Variants in NEK10 observed in about 807,000 individuals in gnomAD.
NEK10 encodes the protein NIMA related kinase 10.
A neutral mutation model predicts 159.8 loss-of-function variants in NEK10; 122 were observed. The ratio of observed to expected loss-of-function variants is 0.76; its 90% CI spans 0.66 to 0.89. The LOEUF (loss-of-function observed/expected upper bound fraction) is 0.89. Among genes scored for constraint, NEK10 ranks in the 40% least tolerant of loss-of-function variants. The pLI is 0.00. For missense variants in NEK10, 1,342 were observed against 1,323.1 expected (o/e 1.01, Z -0.22); for synonymous variants, 466 against 457.1 (o/e 1.02, Z -0.25).
intron 1 of NEK10, among the ~76,000 whole-genome samples, chr3:27,359,342 T>C (rs2048529075): frequency 6.6e-6 from 1 of 152,180 alleles, no homozygotes; most frequent in Non-Finnish European, 1.5e-5. Flanking sequence ...CAATGAACCC[T>C]ACCACAAAAG....
At chr3:27,207,190 A>C (rs1471009989) in intron 23 of NEK10, among the ~76,000 whole-genome samples, 3 of 152,212 alleles carry the variant, frequency 2.0e-5, no homozygotes, top group Admixed American at 1.3e-4. Context: ...CCACATTAGC[A>C]GTTAAATTTA....
rs769534323 is a variant in NEK10 at position 27,314,282 on chromosome 3, C to G, written c.489+15G>C. On this transcript the variant is annotated intron_variant, in intron 7 of 35. Coordinates refer to ENST00000691995, the MANE Select transcript of NEK10 (RefSeq NM_001394966.1). ...AATGAAAAGGCAAGACCAGCCACCA[C>G]AAAAGGAATCTTACCTGAGCTAGGT... 8 of 1,590,668 alleles carry G rather than the reference C, an allele frequency of 5.0e-6. No homozygotes were observed. Among genetic ancestry groups the G allele is most frequent in the Non-Finnish European group, 6.0e-6 (7 of 1,163,948 alleles).
At chr3:27,321,610 G>T (rs1341624750) in intron 6 of NEK10, among the ~76,000 whole-genome samples, 3 of 152,184 alleles carry the variant, frequency 2.0e-5, no homozygotes, top group African/African-American at 7.2e-5. Flanking sequence ...GAGGTGGAGA[G>T]TGCTAGGATT....
intron 23 of NEK10, among the ~76,000 whole-genome samples, chr3:27,236,612 A>G (rs1953943419): frequency 6.6e-6 from 1 of 152,150 alleles, no homozygotes; most frequent in Non-Finnish European, 1.5e-5. Context: ...CATATCGGTA[A>G]GTCCGTGATG....
Position 27,310,893 on chromosome 3 carries a change from A to G in NEK10, c.636+56T>C, listed in dbSNP as rs113195591. 3.2e-5 allele frequency: 35 copies of G among 1,084,684 alleles called. No individual in the cohort carries two copies. The African/African-American group carries it at 3.7e-4, about 12-fold the overall frequency. 67.2% of individuals were successfully genotyped at this position (1,084,684 alleles called of 1,614,324 possible). A position where few individuals can be genotyped will look rare whatever the true frequency, so the allele number is the denominator to read the frequency against. On this transcript the variant is annotated intron_variant, in intron 9 of 35. Coordinates refer to ENST00000691995, the MANE Select transcript of NEK10 (RefSeq NM_001394966.1). ...AACCGCAAAGGCTCTGAACTTCCCT[A>G]ATGTGAACTATTGCCATAGGGAGCT... is the stretch of plus-strand genomic sequence containing the variant.
At chr3:27,201,878 G>A (rs1011479634) in intron 24 of NEK10, among the ~76,000 whole-genome samples, 1 of 152,142 alleles carries the variant, frequency 6.6e-6, no homozygotes, top group African/African-American at 2.4e-5. Flanking sequence ...TAAAAGACCA[G>A]CTGGGCGCAG....
In NEK10 at chr3:27,193,600, ATTTTTTTTTTTTTT is replaced by A. The variant is rs141331589; in HGVS notation, c.2292-1372_2292-1359del. Among the ~76,000 whole-genome samples the A allele has an allele frequency of 2.7e-3, 147 of 55,088 alleles. 2 individuals carry two copies. The highest frequency in any genetic ancestry group is 0.011 in the African/African-American group (137 of 12,178). 36.1% of individuals were successfully genotyped at this position (55,088 alleles called of 152,430 possible). ...TTGCTTATTTTATTCCATATGCTTG[ATTTTTTTTTTTTTT>A]TTTTTTTTTTTTGCCCATGGTATCT... On this transcript the variant is annotated intron_variant, in intron 25 of 35. Transcript: ENST00000691995.
At chr3:27,217,859 G>T (rs1489917333) in intron 23 of NEK10, among the ~76,000 whole-genome samples, 1 of 152,040 alleles carries the variant, frequency 6.6e-6, no homozygotes, top group Non-Finnish European at 1.5e-5. Flanking sequence ...ACCAAAGATA[G>T]TACCAAACCC....
chr3:27,194,519 A>C (rs1444636012), intron 25 of NEK10: 1 of 152,238 alleles, frequency 6.6e-6, no homozygotes, highest in African/African-American at 2.4e-5. Flanking sequence ...GTCCTAAAAA[A>C]ATTGAGGATA....
intron 22 of NEK10, among the ~76,000 whole-genome samples, chr3:27,268,441 G>A (rs758094130): frequency 1.4e-4 from 22 of 152,298 alleles, no homozygotes; most frequent in African/African-American, 5.3e-4. Flanking sequence ...AATGCAGCTG[G>A]TAATTAAGTT....
chr3:27,329,335 T>C (rs1035055808), intron 5 of NEK10, among the ~76,000 whole-genome samples: 12 of 152,194 alleles, frequency 7.9e-5, no homozygotes, highest in Admixed American at 5.9e-4. Context: ...AACAGACTAA[T>C]ACAGAGAGTG....
intron 22 of NEK10, among the ~76,000 whole-genome samples, chr3:27,264,874 A>C (rs1235214399): frequency 6.6e-6 from 1 of 150,832 alleles, no homozygotes; most frequent in Non-Finnish European, 1.5e-5. Context: ...AGCCTGGGCA[A>C]CATGAGCGAA....
At chr3:27,133,066 C>A (rs1238397965) in intron 31 of NEK10, among the ~76,000 whole-genome samples, 1 of 152,164 alleles carries the variant, frequency 6.6e-6, no homozygotes, top group Non-Finnish European at 1.5e-5. Context: ...GAGGATAAGA[C>A]AATTCAAAGT....
At chr3:27,302,609 T>C (rs1379159414) in intron 12 of NEK10, among the ~76,000 whole-genome samples, 1 of 152,254 alleles carries the variant, frequency 6.6e-6, no homozygotes. Context: ...ATAATAGTTC[T>C]TCATCTGTCT....
intron 16 of NEK10, among the ~76,000 whole-genome samples, chr3:27,292,896 G>A (rs941049396): frequency 6.6e-6 from 1 of 152,024 alleles, no homozygotes; most frequent in Admixed American, 6.6e-5. Context: ...AGGCCGAAAA[G>A]TGACGCTCCA....
intron 23 of NEK10, among the ~76,000 whole-genome samples, chr3:27,246,016 A>C (rs1276053513): frequency 6.6e-6 from 1 of 152,172 alleles, no homozygotes; most frequent in Admixed American, 6.5e-5. Context: ...AGTAAAGACT[A>C]TAAAAGGGCA....
intron 23 of NEK10, among the ~76,000 whole-genome samples, chr3:27,235,323 AAGAC>A (rs1205380128): frequency 2.0e-5 from 3 of 152,018 alleles, no homozygotes; most frequent in Non-Finnish European, 4.4e-5. Context: ...ACACAGCAAA[AAGAC>A]AGCCTACAGA....
intron 22 of NEK10, among the ~76,000 whole-genome samples, chr3:27,263,681 G>T (rs954381307): frequency 3.3e-5 from 5 of 152,178 alleles, no homozygotes; most frequent in Middle Eastern, 3.2e-3. Flanking sequence ...CAGTATTAGG[G>T]TGGGAGTGAC....
intron 12 of NEK10, among the ~76,000 whole-genome samples, chr3:27,302,422 T>C (rs2043900112): frequency 6.6e-6 from 1 of 152,190 alleles, no homozygotes; most frequent in Non-Finnish European, 1.5e-5. Flanking sequence ...TAGCAATTTA[T>C]CGGTTCTGTA....
Sources: gnomAD v4.1 joint callset for allele counts (sites outside exome capture counted in the v4.1 genomes callset) on GRCh38, gnomAD v4.1.1 for gene constraint, MANE v1.5 for transcripts, NCBI Gene and HGNC (gene_info 2026-07-23, HGNC 2026-07-21) for gene names.